LRRC37A2: variants seen among roughly 807,000 people sequenced by gnomAD.
LRRC37A2 encodes leucine-rich repeat-containing protein 37A2.
A neutral mutation model predicts 68.8 loss-of-function variants in LRRC37A2; 9 were observed. That is an observed-to-expected ratio of 0.13 (90% CI 0.08 to 0.23). The LOEUF is 0.23. Among genes scored for constraint, LRRC37A2 ranks in the 10% least tolerant of loss-of-function variants. The pLI is 1.00. For synonymous variants in LRRC37A2, 63 were observed against 367.6 expected, an observed-to-expected ratio of 0.17 and a Z score of 9.48; for missense variants, 168 against 950.4, an observed-to-expected ratio of 0.18 and a Z score of 10.82.
chr17:46,878,100 G>A, the LRRC37A2 span, among the ~76,000 whole-genome samples: 1 of 152,226 alleles, frequency 6.6e-6, no homozygotes, highest in Non-Finnish European at 1.5e-5. Flanking sequence ...CTCTTGTTCA[G>A]GATGAAGACC....
At chr17:46,925,013 A>G in the LRRC37A2 span, among the ~76,000 whole-genome samples, 4 of 152,198 alleles carry the variant, frequency 2.6e-5, no homozygotes, top group African/African-American at 9.7e-5. Context: ...ATCACAGAGA[A>G]AACTGCATGG....
At chr17:46,788,909 G>T in the LRRC37A2 span, among the ~76,000 whole-genome samples, 85 of 152,100 alleles carry the variant, frequency 5.6e-4, no homozygotes, top group African/African-American at 1.9e-3. Flanking sequence ...TTTTAACACA[G>T]CTGCTAGCTC....
At chr17:46,800,537 G>C in the LRRC37A2 span, among the ~76,000 whole-genome samples, 1 of 152,216 alleles carries the variant, frequency 6.6e-6, no homozygotes, top group African/African-American at 2.4e-5. Flanking sequence ...GGGAAGACAA[G>C]ACAGATGCAC....
At chr17:46,952,281 G>A in the LRRC37A2 span, among the ~76,000 whole-genome samples, 1 of 152,208 alleles carries the variant, frequency 6.6e-6, no homozygotes, top group East Asian at 1.9e-4. Context: ...CCTGAAGCAG[G>A]CCTGGTCCAT....
the LRRC37A2 span, among the ~76,000 whole-genome samples, chr17:46,992,220 T>TAAATAAATAAATA: frequency 5.8e-4 from 21 of 36,396 alleles, no homozygotes; most frequent in African/African-American, 1.6e-3. Flanking sequence ...ATAAATAAAT[T>TAAATAAATAAATA]AGCCAGGTGT....
the LRRC37A2 span, among the ~76,000 whole-genome samples, chr17:46,910,350 G>A: frequency 1.3e-5 from 2 of 152,040 alleles, no homozygotes; most frequent in Non-Finnish European, 2.9e-5. Flanking sequence ...AACAACCTCC[G>A]CTTCCACACT....
chr17:46,534,205 T>TTTTTTA (rs2054201433), intron 6 of LRRC37A2, among the ~76,000 whole-genome samples: 2 of 149,066 alleles, frequency 1.3e-5, no homozygotes, highest in African/African-American at 2.6e-5. Flanking sequence ...TTGTTTTTTT[T>TTTTTTA]AATTTTTTTT....
At chr17:47,028,167 T>C in the LRRC37A2 span, 9 of 762,436 alleles carry the variant, frequency 1.2e-5, no homozygotes, top group Non-Finnish European at 2.1e-5. Flanking sequence ...CCTTAGTGCA[T>C]AGAGAAAGGA....
At chr17:46,837,091 C>A in the LRRC37A2 span, among the ~76,000 whole-genome samples, 23 of 152,056 alleles carry the variant, frequency 1.5e-4, no homozygotes, top group African/African-American at 5.3e-4. Context: ...TACAGGCACT[C>A]GCCACCATGC....
At chr17:46,896,452 A>AAGAAAGAAAGAAAG in the LRRC37A2 span, among the ~76,000 whole-genome samples, 27 of 65,860 alleles carry the variant, frequency 4.1e-4, 1 homozygote, top group African/African-American at 1.1e-3. Context: ...GAAAGAAAGA[A>AAGAAAGAAAGAAAG]AAAGAAAGAA....
chr17:46,742,557 G>C, the LRRC37A2 span, among the ~76,000 whole-genome samples: 3 of 152,238 alleles, frequency 2.0e-5, no homozygotes, highest in African/African-American at 7.2e-5. Flanking sequence ...CTGGAGGAGG[G>C]AAAGGGCAGG....
the LRRC37A2 span, among the ~76,000 whole-genome samples, chr17:46,781,712 A>G: frequency 6.6e-6 from 1 of 152,200 alleles, no homozygotes; most frequent in African/African-American, 2.4e-5. Flanking sequence ...ACACTTTAAA[A>G]TGGTTAAATA....
At chr17:46,934,066 C>T in the LRRC37A2 span, among the ~76,000 whole-genome samples, 1 of 152,282 alleles carries the variant, frequency 6.6e-6, no homozygotes, top group South Asian at 2.1e-4. Context: ...AGTCCACTTT[C>T]AGAGCAAAAG....
At chr17:46,841,557 T>G in the LRRC37A2 span, among the ~76,000 whole-genome samples, 2 of 150,872 alleles carry the variant, frequency 1.3e-5, no homozygotes, top group African/African-American at 2.4e-5. Flanking sequence ...CGGGTTAAGG[T>G]GGGGGCGTGG....
the LRRC37A2 span, among the ~76,000 whole-genome samples, chr17:46,810,059 G>T: frequency 6.9e-6 from 1 of 144,738 alleles, no homozygotes; most frequent in Admixed American, 7.1e-5. Context: ...CAGGCTGGAA[G>T]GCAGTGGTGC....
chr17:46,724,482 C>T, the LRRC37A2 span, among the ~76,000 whole-genome samples: 11 of 152,230 alleles, frequency 7.2e-5, no homozygotes, highest in African/African-American at 2.6e-4. Context: ...TGCAGTGACT[C>T]CTAAGGCTTC....
chr17:47,043,271 T>C, the LRRC37A2 span, among the ~76,000 whole-genome samples: 2 of 152,162 alleles, frequency 1.3e-5, no homozygotes, highest in African/African-American at 4.8e-5. Flanking sequence ...TATTGACATA[T>C]AAACAAAATG....
chr17:46,667,992 C>T, the LRRC37A2 span, among the ~76,000 whole-genome samples: 1 of 142,600 alleles, frequency 7.0e-6, no homozygotes, highest in South Asian at 2.2e-4. Context: ...ACACCTTTAG[C>T]AGCCTTGCTC....
chr17:46,934,921 C>G, the LRRC37A2 span: 25 of 971,488 alleles, frequency 2.6e-5, no homozygotes, highest in African/African-American at 3.5e-4. Flanking sequence ...ATTCTTTCAC[C>G]AGCCCCTCCG....
Sources: gnomAD v4.1 joint callset for allele counts (sites outside exome capture counted in the v4.1 genomes callset) on GRCh38, gnomAD v4.1.1 for gene constraint, MANE v1.5 for transcripts, NCBI Gene and HGNC (gene_info 2026-07-23, HGNC 2026-07-21) for gene names.